Variants in GLB1 observed in about 807,000 individuals in gnomAD.
GLB1 encodes the protein galactosidase beta 1, also known as beta-galactosidase.
GLB1 carries 56 observed loss-of-function variants against 74.0 expected under a neutral mutation model. That is an observed-to-expected ratio of 0.76 (90% confidence interval 0.61 to 0.94). GLB1 has a LOEUF of 0.94. Among genes scored for constraint, GLB1 ranks in the 40% least tolerant of loss-of-function variants. The pLI is 0.00. For missense variants in GLB1, 787 were observed against 845.5 expected, an observed-to-expected ratio of 0.93 and a Z score of 0.86; for synonymous variants, 323 against 323.6, an observed-to-expected ratio of 1.00 and a Z score of 0.02.
intron 15 of GLB1, among the ~76,000 whole-genome samples, chr3:33,011,371 C>G (rs1023358588): frequency 6.6e-6 from 1 of 151,498 alleles, no homozygotes; most frequent in Non-Finnish European, 1.5e-5. Context: ...TATCCTAGCA[C>G]TTTTCGAGAC....
chr3:33,092,754 G>C, intron 1 of GLB1: 2 of 1,517,114 alleles, frequency 1.3e-6, no homozygotes, highest in Non-Finnish European at 8.8e-7. Flanking sequence ...GGCTGGAGGG[G>C]AAAAGCAGGC....
At chr3:32,986,290 C>T in the GLB1 span, among the ~76,000 whole-genome samples, 903 of 151,614 alleles carry the variant, frequency 6.0e-3, 12 homozygotes, top group African/African-American at 0.021. Flanking sequence ...AATAGAGACC[C>T]CAAAATTGAT....
At chr3:32,982,718 G>T in the GLB1 span, among the ~76,000 whole-genome samples, 2 of 152,048 alleles carry the variant, frequency 1.3e-5, no homozygotes, top group Non-Finnish European at 2.9e-5. Context: ...CACTCTATTT[G>T]CTTTTCAATC....
At chr3:33,096,944 C>T in intron 1 of GLB1, 67 bp downstream of exon 1, 2 of 1,574,082 alleles carry the variant, frequency 1.3e-6, no homozygotes, top group South Asian at 1.2e-5. Context: ...GGCTGCGACC[C>T]CAGCCCGGTT....
intron 9 of GLB1, among the ~76,000 whole-genome samples, chr3:33,048,188 T>A (rs79006353): frequency 0.014 from 2,151 of 152,206 alleles, 68 homozygotes; most frequent in East Asian, 0.082. Flanking sequence ...GTGTGACCTC[T>A]AGAAGCACAC....
the GLB1 span, among the ~76,000 whole-genome samples, chr3:32,969,045 T>C: frequency 6.6e-6 from 1 of 152,156 alleles, no homozygotes; most frequent in Non-Finnish European, 1.5e-5. Context: ...GCTGTGTGGA[T>C]GTGGTAGATA....
intron 15 of GLB1, among the ~76,000 whole-genome samples, chr3:33,010,748 G>A (rs1329132935): frequency 2.6e-5 from 4 of 152,180 alleles, no homozygotes; most frequent in Admixed American, 6.5e-5. Flanking sequence ...TCCCTAGAGA[G>A]AAATTTTAGA....
At chr3:32,979,072 G>A in the GLB1 span, among the ~76,000 whole-genome samples, 2 of 151,812 alleles carry the variant, frequency 1.3e-5, no homozygotes, top group Admixed American at 1.3e-4. Context: ...CGCCTCCTGG[G>A]TTCAAGCGAT....
At chr3:33,081,562 G>A (rs1700324189) in intron 1 of GLB1, among the ~76,000 whole-genome samples, 1 of 152,186 alleles carries the variant, frequency 6.6e-6, no homozygotes, top group Non-Finnish European at 1.5e-5. Context: ...CTTCAGGAAG[G>A]AAGGCACTGG....
chr3:33,092,190 C>T (rs1329135857), intron 1 of GLB1: 13 of 985,702 alleles, frequency 1.3e-5, no homozygotes, highest in African/African-American at 3.5e-5. Context: ...GGCCCAGGAG[C>T]ACAGACAGTT....
rs1700502889 is a variant in GLB1, at chr3:33,086,357, A to G, written c.75+10654T>C. On this transcript the variant is annotated intron_variant, in intron 1 of 15. Transcript: ENST00000307363. Reference sequence around the variant, plus strand: ...TGTTATAGGCTTTTTCAGAGTAACCACATAATTAATGAGGAGAGTTCTTTG... The same window carrying G: ...TGTTATAGGCTTTTTCAGAGTAACCGCATAATTAATGAGGAGAGTTCTTTG... 2.0e-5 allele frequency among the ~76,000 whole-genome samples: 3 copies of G among 152,196 alleles called. No homozygotes were observed. In the South Asian group the frequency reaches 6.2e-4, roughly 32 times the overall value.
intron 1 of GLB1, among the ~76,000 whole-genome samples, chr3:33,096,185 G>A (rs1176211890): frequency 6.6e-6 from 1 of 152,154 alleles, no homozygotes; most frequent in Non-Finnish European, 1.5e-5. Context: ...ACGTGCAGAG[G>A]AGCAGCTTGC....
intron 1 of GLB1, 162 bp downstream of exon 1, chr3:33,096,849 C>G: frequency 7.2e-7 from 1 of 1,390,698 alleles, no homozygotes; most frequent in South Asian, 1.6e-5. Context: ...ACGGGAAGGC[C>G]GGTCCACTGC....
At chr3:33,026,455 C>A (rs1179807069) in intron 10 of GLB1, among the ~76,000 whole-genome samples, 1 of 152,150 alleles carries the variant, frequency 6.6e-6, no homozygotes, top group Non-Finnish European at 1.5e-5. Context: ...CACAAACAGC[C>A]CGGGCGCCAT....
At chr3:33,094,214 G>A in intron 1 of GLB1, 1 of 1,578,754 alleles carries the variant, frequency 6.3e-7, no homozygotes, top group East Asian at 2.2e-5. Flanking sequence ...CTCCTAGTAG[G>A]CTCCCCCACC....
In GLB1 at chr3:33,093,389, G is replaced by A. The variant is rs200744762; in HGVS notation, c.75+3622C>T. On this transcript the variant is annotated intron_variant, in intron 1 of 15. Transcript: ENST00000307363. This position sits in a 1 kb window ranked among gnomAD's most constrained non-coding sequence, Gnocchi z 6.0. Reference sequence around the variant, plus strand: ...GATTGCCTGTGACGAAGTAGGCACCGAGATGTGAATGAAGCTGGCCCAGAG... The same window carrying A: ...GATTGCCTGTGACGAAGTAGGCACCAAGATGTGAATGAAGCTGGCCCAGAG... 1.2e-4 allele frequency: 193 copies of A among 1,614,070 alleles called. No individual in the cohort carries two copies. The highest frequency in any genetic ancestry group is 1.5e-4 in the Non-Finnish European group (177 of 1,180,050).
chr3:32,987,457 C>T, the GLB1 span, among the ~76,000 whole-genome samples: 5 of 152,170 alleles, frequency 3.3e-5, no homozygotes, highest in Non-Finnish European at 7.3e-5. Context: ...TAGAGCATCC[C>T]CTCTGTAAAC....
In GLB1 at chr3:33,072,534, T is replaced by C; in HGVS notation, c.245+10A>G. The C allele has an allele frequency of 6.2e-7, 1 of 1,612,848 alleles. No individual in the cohort carries two copies. ...AGGCCTAGGTGAGAGCCACATGCCC[T>C]CCTACTTACGTCTGGATGGCGTTCA... On this transcript the variant is annotated intron_variant, in intron 2 of 15. Coordinates refer to ENST00000307363, the MANE Select transcript of GLB1 (RefSeq NM_000404.4).
At chr3:32,997,490 G>A in intron 15 of GLB1, 146 bp from the exon 16 acceptor site, 1 of 1,383,864 alleles carries the variant, frequency 7.2e-7, no homozygotes, top group Non-Finnish European at 9.9e-7. Flanking sequence ...GCCCATGCCA[G>A]CCTTGGTTTT....
Sources: allele counts gnomAD v4.1 joint callset (sites outside exome capture counted in the v4.1 genomes callset), GRCh38; gene constraint gnomAD v4.1.1; non-coding constraint Gnocchi (gnomAD v3.1); transcripts MANE v1.5; gene names NCBI Gene and HGNC (gene_info 2026-07-23, HGNC 2026-07-21).